The following N4BP2L1 variants were observed in gnomAD, a reference collection of about 807,000 sequenced individuals.
The protein encoded by N4BP2L1 is NEDD4 binding protein 2 like 1.
A neutral mutation model predicts 21.2 loss-of-function variants in N4BP2L1; 12 were observed. The ratio of observed to expected loss-of-function variants is 0.57; its 90% CI spans 0.36 to 0.92. The LOEUF (loss-of-function observed/expected upper bound fraction) is 0.92. Ranked by LOEUF, N4BP2L1 falls within the 40% of genes least tolerant of loss-of-function variation. The pLI, the probability that N4BP2L1 is intolerant of heterozygous loss-of-function variation, is 0.01. For synonymous variants in N4BP2L1, 104 were observed against 112.8 expected (o/e 0.92, Z 0.49); for missense variants, 259 against 310.6 (o/e 0.83, Z 1.25).
At chr13:32,411,582 T>C (rs1373880873) in intron 1 of N4BP2L1, 11 of 985,142 alleles carry the variant, frequency 1.1e-5, no homozygotes, top group Non-Finnish European at 1.3e-5. Flanking sequence ...ATCTTTATGG[T>C]GGTCAGGAGC....
At chr13:32,413,403 TTTGTGTGG>T (rs920780569) in intron 1 of N4BP2L1, among the ~76,000 whole-genome samples, 2 of 152,208 alleles carry the variant, frequency 1.3e-5, no homozygotes, top group African/African-American at 4.8e-5. Context: ...GCATTCTGGG[TTTGTGTGG>T]TTGTTTCCTA....
At position 32,402,729 on chromosome 13, in the gene N4BP2L1, TC is replaced by T. The variant is rs2073216504; in HGVS notation, c.*212del. On this transcript the variant is annotated 3_prime_UTR_variant, in exon 5 of 5. Transcript: ENST00000380130. ...TACCCTAGAGAAAGAGACTGTTTAC[TC>T]AAATCTGCAGAATTCCCAGCATCAG... 5 of 1,339,302 alleles carry T rather than the reference TC, an allele frequency of 3.7e-6. No individual in the cohort carries two copies. The South Asian group carries it at 1.1e-4, about 29-fold the overall frequency. 83.0% of individuals were successfully genotyped at this position (1,339,302 alleles called of 1,614,324 possible).
rs764561311 is a variant in N4BP2L1, at chr13:32,402,517, A to ACTTTTCC, written c.*424_*425insGGAAAAG. On this transcript the variant is annotated 3_prime_UTR_variant, in exon 5 of 5. Coordinates refer to ENST00000380130, the MANE Select transcript of N4BP2L1 (RefSeq NM_052818.3). The stretch of plus-strand genomic sequence containing the variant: ...AGCAATGGCACTTTGATAAGTAGCA[A>ACTTTTCC]TGCCCCCCCACCACTTCTCTCCACC... 0.47 allele frequency: 447,030 copies of ACTTTTCC among 949,878 alleles called. 109,691 individuals carry two copies. The highest frequency in any genetic ancestry group is 0.58 in the African/African-American group (32,643 of 56,084). The allele number at this position is 949,878 out of a possible 1,614,324, so 58.8% of individuals were successfully genotyped here.
At position 32,403,117 on chromosome 13, in the gene N4BP2L1, A is replaced by G; in HGVS notation, c.557T>C (p.Leu186Pro). The change falls in exon 5 of 5, where the codon CTT becomes CCT. Residue 186 changes from leucine to proline, a missense_variant. Transcript: ENST00000380130. ...YEHDVTFHSV[L>P]HAEKPSRMNR... ...CATTCTGCTTGGCTTTTCTGCATGA[A>G]GCACACTGTGAAAAGTAACATCGTG... 1.2e-6 allele frequency: 2 copies of G among 1,614,158 alleles called. No homozygotes were observed. Among genetic ancestry groups the G allele is most frequent in the Non-Finnish European group, 1.7e-6 (2 of 1,180,030 alleles).
chr13:32,429,208 G>A (rs2074930324), upstream of N4BP2L1, among the ~76,000 whole-genome samples: 1 of 152,236 alleles, frequency 6.6e-6, no homozygotes, highest in South Asian at 2.1e-4. Context: ...CTTTTAGGAA[G>A]GGACTATCCA....
chr13:32,402,948 T>A lies in N4BP2L1; in HGVS notation c.726A>T (p.Gly242=), dbSNP rs780427619. ...SYHRRGGCHH[G]Y is the part of the protein sequence containing the mutation. ...CTGGCTGTAAGATAGGCCTCTAATATCCATGGTGACAACCGCCCCTTCTGT... is the reference window on the plus strand; with the variant it reads ...CTGGCTGTAAGATAGGCCTCTAATAACCATGGTGACAACCGCCCCTTCTGT... Residue 242 remains glycine (G), a synonymous_variant, in exon 5 of 5, where the codon GGA becomes GGT. Coordinates refer to ENST00000380130, the MANE Select transcript of N4BP2L1 (RefSeq NM_052818.3). 2 of 1,599,390 alleles carry A rather than the reference T, an allele frequency of 1.3e-6. No individual in the cohort carries two copies. Among genetic ancestry groups the A allele is most frequent in the Non-Finnish European group, 1.7e-6 (2 of 1,170,502 alleles).
At chr13:32,423,812 C>T (rs1252837292) in intron 1 of N4BP2L1, among the ~76,000 whole-genome samples, 1 of 152,166 alleles carries the variant, frequency 6.6e-6, no homozygotes, top group East Asian at 1.9e-4. Flanking sequence ...TTAATGGGCA[C>T]AGAGTGTGTT....
intron 3 of N4BP2L1, 35 bp from the exon 4 acceptor site, chr13:32,404,432 A>G (rs1453244751): frequency 6.2e-6 from 9 of 1,442,948 alleles, no homozygotes; most frequent in Non-Finnish European, 8.7e-6. Flanking sequence ...CATTGAAGAC[A>G]TAGTATGTAT....
intron 1 of N4BP2L1, among the ~76,000 whole-genome samples, chr13:32,419,999 C>T (rs1056951974): frequency 6.6e-6 from 1 of 152,238 alleles, no homozygotes; most frequent in Non-Finnish European, 1.5e-5. Flanking sequence ...CTGGGCAGTG[C>T]TGCCACCCAC....
chr13:32,407,703 A>C lies in N4BP2L1; in HGVS notation c.249T>G (p.Gly83=). 2 of 1,613,364 alleles carry C rather than the reference A, an allele frequency of 1.2e-6. No individual in the cohort carries two copies. Among genetic ancestry groups the C allele is most frequent in the African/African-American group, 2.7e-5 (2 of 74,980 alleles). Residue 83 remains glycine, a synonymous_variant, in exon 2 of 5, where the codon GGT becomes GGG. Transcript: ENST00000380130. ...GGAAGTCAGGATTGAACTCATAGGC[A>C]CCATCTTCCCTGAAGAAAAAATCAT... The part of the protein sequence containing the change: ...STDDFFFRED[G]AYEFNPDFLE...
intron 1 of N4BP2L1, chr13:32,416,757 T>G (rs2074158844): frequency 6.6e-6 from 1 of 151,934 alleles, no homozygotes; most frequent in Non-Finnish European, 1.5e-5. Flanking sequence ...GTGAATGTAT[T>G]AATGGCTCCT....
At chr13:32,419,130 T>A (rs2074310336) in intron 1 of N4BP2L1, among the ~76,000 whole-genome samples, 1 of 152,118 alleles carries the variant, frequency 6.6e-6, no homozygotes, top group Admixed American at 6.5e-5. Context: ...TGAATTATAG[T>A]TCCCATAATC....
chr13:32,404,581 T>C (rs2073356384), intron 3 of N4BP2L1, among the ~76,000 whole-genome samples, 184 bp from the exon 4 acceptor site: 1 of 150,604 alleles, frequency 6.6e-6, no homozygotes, highest in African/African-American at 2.4e-5. Context: ...ACTCTCATAA[T>C]TCTCCATGAT....
chr13:32,418,318 A>G (rs2074262757), intron 1 of N4BP2L1, among the ~76,000 whole-genome samples: 1 of 152,244 alleles, frequency 6.6e-6, no homozygotes, highest in Non-Finnish European at 1.5e-5. Context: ...ACAAGCCCCA[A>G]GCCTTGGCAG....
At chr13:32,421,954 G>A (rs918087810) in intron 1 of N4BP2L1, among the ~76,000 whole-genome samples, 7 of 152,160 alleles carry the variant, frequency 4.6e-5, no homozygotes, top group Non-Finnish European at 7.3e-5. Context: ...AGGAACTAAG[G>A]CATTGACTTA....
At position 32,421,181 on chromosome 13, in the gene N4BP2L1, G is replaced by A. The variant is rs566402400; in HGVS notation, c.179+6723C>T. 1.1e-4 allele frequency among the ~76,000 whole-genome samples: 16 copies of A among 152,284 alleles called. No homozygotes were observed. In the East Asian group the frequency reaches 2.9e-3, roughly 28 times the overall value. On this transcript the variant is annotated intron_variant, in intron 1 of 4. Transcript: ENST00000380130. ...GTGCCTGGCCTTCTTTTAGGAGCTG[G>A]ACAGAATAAAGTTCCTGATCTCATG...
intron 1 of N4BP2L1, among the ~76,000 whole-genome samples, chr13:32,412,994 G>A (rs1407655416): frequency 6.6e-6 from 1 of 152,148 alleles, no homozygotes; most frequent in African/African-American, 2.4e-5. Context: ...CACGATCTCG[G>A]CTCACTGCAA....
rs1445230986 is a variant in N4BP2L1, at chr13:32,421,696, T to A, written c.179+6208A>T. Among the ~76,000 whole-genome samples the A allele has an allele frequency of 7.9e-5, 12 of 152,280 alleles. No individual in the cohort carries two copies. The East Asian group carries it at 1.9e-3, about 24-fold the overall frequency. On this transcript the variant is annotated intron_variant, in intron 1 of 4. Coordinates refer to ENST00000380130, the MANE Select transcript of N4BP2L1 (RefSeq NM_052818.3). Reference sequence around the variant, plus strand: ...TTCTTTCCCCATTTCTCCCTTCCCCTTTCCCAGACTCTTACCTTGATAAAA... The same window carrying A: ...TTCTTTCCCCATTTCTCCCTTCCCCATTCCCAGACTCTTACCTTGATAAAA...
At chr13:32,404,186 CA>C in intron 4 of N4BP2L1, 134 bp downstream of exon 4, 1 of 1,611,214 alleles carries the variant, frequency 6.2e-7, no homozygotes, top group Non-Finnish European at 8.5e-7. Context: ...CCAAAGTTAT[CA>C]ATTTCCAAGA....
Sources: allele counts gnomAD v4.1 joint callset (sites outside exome capture counted in the v4.1 genomes callset), GRCh38; gene constraint gnomAD v4.1.1; transcripts MANE v1.5; gene names NCBI Gene and HGNC (gene_info 2026-07-23, HGNC 2026-07-21).